The following MMP14 variants were observed in gnomAD, a reference collection of about 807,000 sequenced individuals.
MMP14 encodes matrix metalloproteinase-14.
In MMP14, 13 loss-of-function variants were observed where a neutral mutation model predicts 64.8. The ratio of observed to expected loss-of-function variants is 0.20; its 90% CI spans 0.13 to 0.32. The LOEUF (loss-of-function observed/expected upper bound fraction) is 0.32, where lower values mean the gene tolerates loss of function less well. Among genes scored for constraint, MMP14 ranks in the 10% least tolerant of loss-of-function variants. The pLI is 1.00. For synonymous variants in MMP14, 322 were observed against 315.9 expected (o/e 1.02, Z -0.20); for missense variants, 594 against 783.8 (o/e 0.76, Z 2.89).
chr14:22,842,743 C>T lies in MMP14; in HGVS notation c.688+26C>T, dbSNP rs780413838. ...GTGAGCCAAGTATCCCTGGGACTTA[C>T]TCTGGAAAAAGCCAACAGTCATTTG... On this transcript the variant is annotated intron_variant, in intron 4 of 9. Coordinates refer to ENST00000311852, the MANE Select transcript of MMP14 (RefSeq NM_004995.4). The surrounding 1 kb of genome is among the most constrained non-coding windows in gnomAD (Gnocchi z 5.3). 3.2e-6 allele frequency: 5 copies of T among 1,562,514 alleles called. No homozygotes were observed. The South Asian group carries it at 6.0e-5, about 19-fold the overall frequency.
At position 22,843,177 on chromosome 14, in the gene MMP14, A is replaced by T; in HGVS notation, c.689-80A>T. The T allele has an allele frequency of 2.0e-6, 3 of 1,514,924 alleles. No individual in the cohort carries two copies. Among genetic ancestry groups the T allele is most frequent in the Non-Finnish European group, 2.7e-6 (3 of 1,117,088 alleles). 93.8% of individuals were successfully genotyped at this position (1,514,924 alleles called of 1,614,324 possible). ...ACATGGGCAGCAGGCTTGGAGGTGAAACCAAAGCTGCTGGTGGGGAAGCAG... is the reference window on the plus strand; with the variant it reads ...ACATGGGCAGCAGGCTTGGAGGTGATACCAAAGCTGCTGGTGGGGAAGCAG... On this transcript the variant is annotated intron_variant, in intron 4 of 9. Transcript: ENST00000311852. This position sits in a 1 kb window ranked among gnomAD's most constrained non-coding sequence, Gnocchi z 4.8.
intron 1 of MMP14, 52 bp downstream of exon 1, chr14:22,836,977 C>T (rs936842720): frequency 1.4e-6 from 2 of 1,419,466 alleles, no homozygotes; most frequent in African/African-American, 2.8e-5. Flanking sequence ...GGAGGCGAGC[C>T]CGGGGGTCTC....
chr14:22,846,116 G>A lies in MMP14; in HGVS notation c.*77G>A, dbSNP rs2039811906. On this transcript the variant is annotated 3_prime_UTR_variant, in exon 10 of 10. Transcript: ENST00000311852. ...CCAGTGGCAGCAGGTGGTGGTGGGT[G>A]GGCTGTTCCCATCGTCCCGAGCCCC... 1 of 1,361,764 alleles carries A rather than the reference G, an allele frequency of 7.3e-7. No individual in the cohort carries two copies. Among genetic ancestry groups the A allele is most frequent in the Non-Finnish European group, 9.7e-7 (1 of 1,030,200 alleles). The allele number at this position is 1,361,764 out of a possible 1,614,324, so 84.4% of individuals were successfully genotyped here.
In MMP14 at chr14:22,847,556, A is replaced by T. The variant is rs2138748676; in HGVS notation, c.*1517A>T. 1 of 147,420 alleles carries T rather than the reference A, an allele frequency of 6.8e-6. No homozygotes were observed. The highest frequency in any genetic ancestry group is 6.9e-5 in the Admixed American group (1 of 14,430). 9.1% of individuals were successfully genotyped at this position (147,420 alleles called of 1,614,324 possible). On this transcript the variant is annotated 3_prime_UTR_variant, in exon 10 of 10. Coordinates refer to ENST00000311852, the MANE Select transcript of MMP14 (RefSeq NM_004995.4). Reference sequence around the variant, plus strand: ...TCTTGTTTGTTTTTTTGTTTTGTTTAATGTATATTTTTATTATAATTATTA... The same window carrying T: ...TCTTGTTTGTTTTTTTGTTTTGTTTTATGTATATTTTTATTATAATTATTA...
Position 22,843,695 on chromosome 14 carries a change from T to A in MMP14, c.851-15T>A. The stretch of plus-strand genomic sequence containing the variant: ...CCTCCTAAGTCTGAAATGCCCCTCG[T>A]GTTTTCTGCCCCAGGGGGTGAGTCA... On this transcript the variant is annotated splice_polypyrimidine_tract_variant and intron_variant, in intron 5 of 9. Coordinates refer to ENST00000311852, the MANE Select transcript of MMP14 (RefSeq NM_004995.4). The surrounding 1 kb of genome is among the most constrained non-coding windows in gnomAD (Gnocchi z 4.8). The A allele has an allele frequency of 6.3e-7, 1 of 1,585,240 alleles. No homozygotes were observed. The highest frequency in any genetic ancestry group is 8.5e-7 in the Non-Finnish European group (1 of 1,170,208).
chr14:22,844,704 G>A lies in MMP14; in HGVS notation c.1225G>A (p.Gly409Arg). 1 of 1,614,106 alleles carries A rather than the reference G, an allele frequency of 6.2e-7. No individual in the cohort carries two copies. Among genetic ancestry groups the A allele is most frequent in the Non-Finnish European group, 8.5e-7 (1 of 1,180,014 alleles). ...CAAGCACATTAAGGAGCTGGGCCGAGGGCTGCCTACCGACAAGATTGATGC... is the reference window on the plus strand; with the variant it reads ...CAAGCACATTAAGGAGCTGGGCCGAAGGCTGCCTACCGACAAGATTGATGC... ...YPKHIKELGR[G>R]LPTDKIDAAL... Residue 409 changes from glycine to arginine, a missense_variant, in exon 8 of 10, where the codon GGG becomes AGG. Gly to Arg is a moderately radical substitution (Grantham distance 125). Transcript: ENST00000311852.
At chr14:22,841,463 A>G (rs747710432) in intron 1 of MMP14, 28 bp from the exon 2 acceptor site, 2 of 1,609,532 alleles carry the variant, frequency 1.2e-6, no homozygotes, top group East Asian at 4.5e-5. Flanking sequence ...AGGTGGGGAC[A>G]CTCTAAGCCA....
Position 22,846,407 on chromosome 14 carries a change from C to T in MMP14, c.*368C>T, listed in dbSNP as rs1307561835. 1 of 233,816 alleles carries T rather than the reference C, an allele frequency of 4.3e-6. No homozygotes were observed. The highest frequency in any genetic ancestry group is 8.3e-6 in the Non-Finnish European group (1 of 120,174). The allele number at this position is 233,816 out of a possible 1,614,324, so 14.5% of individuals were successfully genotyped here. On this transcript the variant is annotated 3_prime_UTR_variant, in exon 10 of 10. Transcript: ENST00000311852. Reference sequence around the variant, plus strand: ...TAAAGGTCAAATGGGGTCATCTGCTCCTTTTCCATCCCCTGACATACCTTA... The same window carrying T: ...TAAAGGTCAAATGGGGTCATCTGCTTCTTTTCCATCCCCTGACATACCTTA...
rs943651691 is a variant in MMP14, at chr14:22,844,886, G to A, written c.1301+106G>A. ...CACTTTACCCCCAACATGCTTCCCT[G>A]GAGAAGGAGCTGGCTGAGCCTCTGC... On this transcript the variant is annotated intron_variant, in intron 8 of 9. Coordinates refer to ENST00000311852, the MANE Select transcript of MMP14 (RefSeq NM_004995.4). 6 of 1,473,510 alleles carry A rather than the reference G, an allele frequency of 4.1e-6. No individual in the cohort carries two copies. In the Admixed American group the frequency reaches 1.1e-4, roughly 27 times the overall value. The allele number at this position is 1,473,510 out of a possible 1,614,324, so 91.3% of individuals were successfully genotyped here.
In MMP14 at chr14:22,836,835, AC is replaced by A; in HGVS notation, c.25del (p.Arg9ValfsTer68). 2 of 1,609,012 alleles carry A rather than the reference AC, an allele frequency of 1.2e-6. No homozygotes were observed. Among genetic ancestry groups the A allele is most frequent in the Non-Finnish European group, 1.7e-6 (2 of 1,177,160 alleles). MSPAPRPPRCLLLPLLT... is the reference protein window; with the variant it reads MSPAPRXPRCLLLPLLT... ...CTCGGACCATGTCTCCCGCCCCAAG[AC>A]CCCCCCGTTGTCTCCTGCTCCCCCT... On this transcript the variant is annotated frameshift_variant, in exon 1 of 10. Transcript: ENST00000311852. LOFTEE classifies it high-confidence loss of function.
intron 1 of MMP14, chr14:22,837,512 C>G (rs924899072): frequency 2.6e-6 from 1 of 391,528 alleles, no homozygotes; most frequent in Non-Finnish European, 5.1e-6. Flanking sequence ...CGCTGTGTCC[C>G]TACCCGCATC....
intron 1 of MMP14, among the ~76,000 whole-genome samples, chr14:22,838,679 C>T (rs977338945): frequency 2.6e-5 from 4 of 152,048 alleles, no homozygotes; most frequent in Admixed American, 1.3e-4. Flanking sequence ...CCTCATGCAG[C>T]TGGGTCCCTC....
At position 22,841,921 on chromosome 14, in the gene MMP14, G is replaced by T. The variant is rs1261475157; in HGVS notation, c.266G>T (p.Arg89Met). 1 of 1,614,240 alleles carries T rather than the reference G, an allele frequency of 6.2e-7. No homozygotes were observed. Among genetic ancestry groups the T allele is most frequent in the East Asian group, 2.2e-5 (1 of 44,890 alleles). The part of the protein sequence containing the change: ...KADADTMKAM[R>M]RPRCGVPDKF... ...ACCCAAACCCACTCCAGGGCCATGA[G>T]GCGCCCCCGATGTGGTGTTCCAGAC... Residue 89 changes from arginine to methionine, a missense_variant, in exon 3 of 10, where the codon AGG (arginine) becomes ATG (methionine). Physicochemically the swap from Arg to Met is moderately conservative, Grantham distance 91 (BLOSUM62 -1). This residue lies in a region of MMP14 where 179 missense variants were observed against 283.4 expected (regional missense o/e 0.63). Transcript: ENST00000311852.
At chr14:22,841,278 A>G (rs771395795) in intron 1 of MMP14, among the ~76,000 whole-genome samples, 8 of 152,342 alleles carry the variant, frequency 5.3e-5, no homozygotes, top group Middle Eastern at 3.4e-3. Context: ...GTTTGGGCCC[A>G]TAGCCCCGAG....
rs1566482352 is a variant in MMP14, at chr14:22,843,726, C to T, written c.867C>T (p.Phe289=). 1 of 1,590,708 alleles carries T rather than the reference C, an allele frequency of 6.3e-7. No individual in the cohort carries two copies. The highest frequency in any genetic ancestry group is 8.5e-7 in the Non-Finnish European group (1 of 1,173,878). ...IQQLYGGESG[F]PTKMPPQPRT... is the part of the protein sequence containing the mutation. Reference sequence around the variant, plus strand: ...CTGCCCCAGGGGGTGAGTCAGGGTTCCCCACCAAGATGCCCCCTCAACCCA... The same window carrying T: ...CTGCCCCAGGGGGTGAGTCAGGGTTTCCCACCAAGATGCCCCCTCAACCCA... The change falls in exon 6 of 10, where the codon TTC becomes TTT. Residue 289 remains phenylalanine, a synonymous_variant. Transcript: ENST00000311852. The surrounding 1 kb of genome is among the most constrained non-coding windows in gnomAD (Gnocchi z 4.8).
In MMP14 at chr14:22,846,447, A is replaced by G. The variant is rs2039814380; in HGVS notation, c.*408A>G. 5.6e-6 allele frequency: 1 copy of G among 180,064 alleles called. No homozygotes were observed. Among genetic ancestry groups the G allele is most frequent in the African/African-American group, 2.4e-5 (1 of 42,292 alleles). The allele number at this position is 180,064 out of a possible 1,614,324, so 11.2% of individuals were successfully genotyped here. ...GACATACCTTAACCTCTGAACTCTG[A>G]CCTCAGGAGGCTCTGGGCACTCCAG... On this transcript the variant is annotated 3_prime_UTR_variant, in exon 10 of 10. Transcript: ENST00000311852.
At chr14:22,845,162 C>A (rs17886385) in intron 8 of MMP14, 89 bp from the exon 9 acceptor site, 1,528 of 933,444 alleles carry the variant, frequency 1.6e-3, no homozygotes, top group Middle Eastern at 2.9e-3. Context: ...CACAGCTATC[C>A]TTTGCCCACT....
At chr14:22,839,267 G>A (rs778061146) in intron 1 of MMP14, among the ~76,000 whole-genome samples, 1 of 152,220 alleles carries the variant, frequency 6.6e-6, no homozygotes, top group Non-Finnish European at 1.5e-5. Context: ...TAAGCCCGGG[G>A]TGTGTTTATC....
intron 1 of MMP14, among the ~76,000 whole-genome samples, chr14:22,838,291 C>A (rs1012482100): frequency 2.0e-5 from 3 of 152,192 alleles, no homozygotes; most frequent in African/African-American, 7.2e-5. Flanking sequence ...GAGCTGCCGA[C>A]CGCCAACTTC....
Sources: allele counts gnomAD v4.1 joint callset (sites outside exome capture counted in the v4.1 genomes callset), GRCh38; gene constraint gnomAD v4.1.1; regional missense constraint gnomAD v4.1.1; non-coding constraint Gnocchi (gnomAD v3.1); transcripts MANE v1.5; gene names NCBI Gene and HGNC (gene_info 2026-07-23, HGNC 2026-07-21).